Variants in NID2 observed in about 807,000 individuals in gnomAD.
NID2 encodes the protein nidogen 2.
Under a neutral mutation model 145.4 loss-of-function variants are expected in NID2, and 83 were observed. The ratio of observed to expected loss-of-function variants is 0.57; its 90% CI spans 0.48 to 0.69. NID2 has a LOEUF of 0.69. Ranked by LOEUF, NID2 falls within the 30% of genes least tolerant of loss-of-function variation. NID2 has a pLI of 0.00. For synonymous variants in NID2, 739 were observed against 701.3 expected (o/e 1.05, Z -0.85); for missense variants, 1,807 against 1,765.7 (o/e 1.02, Z -0.42).
chr14:52,060,405 T>C, intron 2 of NID2, 49 bp from the exon 3 acceptor site: 2 of 1,009,182 alleles, frequency 2.0e-6, no homozygotes, highest in African/African-American at 1.7e-5. Flanking sequence ...AGAAACATCC[T>C]GTAAAAAACA....
At chr14:52,043,948 T>C (rs990440233) in intron 5 of NID2, among the ~76,000 whole-genome samples, 1 of 152,084 alleles carries the variant, frequency 6.6e-6, no homozygotes, top group Non-Finnish European at 1.5e-5. Context: ...AGCATGCTGT[T>C]GAGCAGGGAT....
At chr14:52,058,972 G>A (rs1892941126) in intron 3 of NID2, among the ~76,000 whole-genome samples, 2 of 151,876 alleles carry the variant, frequency 1.3e-5, no homozygotes, top group Non-Finnish European at 2.9e-5. Flanking sequence ...TGCCCAATGT[G>A]GATCATAAGG....
chr14:52,007,993 A>G lies in NID2; in HGVS notation c.3723-26T>C, dbSNP rs767956582. ...CTGTAAGTTAAAAATCAAGATTGTA[A>G]AAGAATAGCCATGTAGCCTGTGGTA... On this transcript the variant is annotated intron_variant, in intron 18 of 21. Transcript: ENST00000216286. The G allele has an allele frequency of 2.5e-6, 4 of 1,586,160 alleles. No homozygotes were observed. The South Asian group carries it at 3.5e-5, about 14-fold the overall frequency.
intron 12 of NID2, among the ~76,000 whole-genome samples, chr14:52,026,029 G>A (rs1355419070): frequency 1.3e-5 from 2 of 152,240 alleles, no homozygotes; most frequent in Admixed American, 6.5e-5. Context: ...AGTGGAAAGA[G>A]TAAGAATGAG....
In NID2 at chr14:52,036,110, A is replaced by AT. The variant is rs2140391888; in HGVS notation, c.2257+2636dup. 2.6e-5 allele frequency among the ~76,000 whole-genome samples: 4 copies of AT among 152,196 alleles called. No individual in the cohort carries two copies. In the South Asian group the frequency reaches 8.3e-4, roughly 32 times the overall value. The stretch of plus-strand genomic sequence containing the variant: ...TGTTATCCAACCGTCACCACAATCA[A>AT]TTTCAGAACATTTTCATCACCCCCA... On this transcript the variant is annotated intron_variant, in intron 9 of 21. Coordinates refer to ENST00000216286, the MANE Select transcript of NID2 (RefSeq NM_007361.4).
In NID2 at chr14:52,042,925, G is replaced by A. The variant is rs765394257; in HGVS notation, c.1436C>T (p.Thr479Met). The change falls in exon 6 of 22, where the codon ACG (threonine) becomes ATG (methionine). Residue 479 changes from threonine to methionine, a missense_variant. Physicochemically the swap from Thr to Met is moderately conservative, Grantham distance 81. Coordinates refer to ENST00000216286, the MANE Select transcript of NID2 (RefSeq NM_007361.4). ...DNIGSNTEVF[T>M]YNAANKETCE... ...GGTTTCCTTGTTGGCAGCATTATAC[G>A]TGAAGACTGAAAAATAAAACAAACT... 32 of 1,613,878 alleles carry A rather than the reference G, an allele frequency of 2.0e-5. No homozygotes were observed. The Admixed American group carries it at 2.3e-4, about 12-fold the overall frequency.
intron 2 of NID2, among the ~76,000 whole-genome samples, chr14:52,067,170 C>A (rs1035009625): frequency 6.6e-6 from 1 of 152,116 alleles, no homozygotes; most frequent in Non-Finnish European, 1.5e-5. Context: ...TAATGAAAAA[C>A]CAGAAAAAGC....
At chr14:52,030,145 G>T (rs1052284972) in intron 9 of NID2, among the ~76,000 whole-genome samples, 3 of 152,096 alleles carry the variant, frequency 2.0e-5, no homozygotes, top group Admixed American at 1.3e-4. Context: ...CAACTTCCTG[G>T]TTCTAAATCT....
chr14:52,049,811 C>T lies in NID2; in HGVS notation c.1429+3768G>A, dbSNP rs1302457727. Among the ~76,000 whole-genome samples, 12 of 152,302 alleles carry T rather than the reference C, an allele frequency of 7.9e-5. No homozygotes were observed. In the East Asian group the frequency reaches 2.3e-3, roughly 29 times the overall value. On this transcript the variant is annotated intron_variant, in intron 5 of 21. Transcript: ENST00000216286. ...CAACTGCTGGCATGACACTAACAGG[C>T]TCTCTCCACTTCTGGTGAAGGGAGA... is the stretch of plus-strand genomic sequence containing the variant.
chr14:52,055,090 G>A (rs529605922), intron 3 of NID2, among the ~76,000 whole-genome samples: 1 of 152,282 alleles, frequency 6.6e-6, no homozygotes, highest in African/African-American at 2.4e-5. Context: ...CCCCTTCCCT[G>A]TGCCAAGTGT....
At position 52,005,512 on chromosome 14, in the gene NID2, A is replaced by C. The variant is rs1293983273; in HGVS notation, c.4118-16T>G. Reference sequence around the variant, plus strand: ...TACTTTCTTCCTGTGAGAGAAGAGCAGGGGTGGGACAGGGTGGTGGGTGAG... The same window carrying C: ...TACTTTCTTCCTGTGAGAGAAGAGCCGGGGTGGGACAGGGTGGTGGGTGAG... On this transcript the variant is annotated splice_polypyrimidine_tract_variant and intron_variant, in intron 21 of 21. Coordinates refer to ENST00000216286, the MANE Select transcript of NID2 (RefSeq NM_007361.4). 2 of 1,596,884 alleles carry C rather than the reference A, an allele frequency of 1.3e-6. No homozygotes were observed. The highest frequency in any genetic ancestry group is 2.3e-5 in the South Asian group (2 of 87,788).
intron 9 of NID2, among the ~76,000 whole-genome samples, chr14:52,038,385 C>T (rs1892149673): frequency 6.6e-6 from 1 of 152,200 alleles, no homozygotes; most frequent in African/African-American, 2.4e-5. Context: ...TCAAACTAGA[C>T]TCACAGTGCC....
chr14:52,060,355 A>C lies in NID2; in HGVS notation c.536T>G (p.Leu179Arg). 7.5e-7 allele frequency: 1 copy of C among 1,332,074 alleles called. No individual in the cohort carries two copies. The highest frequency in any genetic ancestry group is 1.0e-6 in the Non-Finnish European group (1 of 1,002,740). The allele number at this position is 1,332,074 out of a possible 1,614,324, so 82.5% of individuals were successfully genotyped here. ...VKRGALPSGE[L>R]NTFQAVLASD... ...TGCCAAAACTGCCTGGAAAGTGTTCAGCTGTGAGGAAAAAAAAAAAAAAAG... is the reference window on the plus strand; with the variant it reads ...TGCCAAAACTGCCTGGAAAGTGTTCCGCTGTGAGGAAAAAAAAAAAAAAAG... Residue 179 changes from leucine (L) to arginine (R), a missense_variant and splice_region_variant, in exon 3 of 22, where the codon CTG becomes CGG. Physicochemically the swap from Leu to Arg is moderately radical, Grantham distance 102. Transcript: ENST00000216286.
intron 3 of NID2, 82 bp downstream of exon 3, chr14:52,060,042 G>T: frequency 3.1e-6 from 3 of 967,006 alleles, no homozygotes; most frequent in Non-Finnish European, 4.7e-6. Flanking sequence ...TTATGTAATG[G>T]TCTTATGGTC....
chr14:52,066,199 T>A (rs930124445), intron 2 of NID2, among the ~76,000 whole-genome samples: 9 of 151,982 alleles, frequency 5.9e-5, no homozygotes, highest in African/African-American at 2.2e-4. Context: ...CAGACAAAAG[T>A]TTTAATTCCA....
At chr14:52,054,407 A>G in intron 3 of NID2, 86 bp from the exon 4 acceptor site, 1 of 1,362,866 alleles carries the variant, frequency 7.3e-7, no homozygotes, top group South Asian at 1.4e-5. Context: ...AACTTATTTT[A>G]AAACGGAAAG....
intron 20 of NID2, chr14:52,006,058 T>A: frequency 1.8e-6 from 1 of 553,100 alleles, no homozygotes; most frequent in East Asian, 3.1e-5. Context: ...CATGATGAGC[T>A]ATCAAATCAG....
intron 13 of NID2, 116 bp downstream of exon 13, chr14:52,019,943 C>G (rs1891341423): frequency 7.1e-7 from 1 of 1,409,166 alleles, no homozygotes; most frequent in Non-Finnish European, 9.6e-7. Context: ...AAATCCACAG[C>G]TTGGAAAATC....
At chr14:52,028,989 A>G (rs2140375995) in intron 10 of NID2, 139 bp from the exon 11 acceptor site, 9 of 741,498 alleles carry the variant, frequency 1.2e-5, no homozygotes, top group Non-Finnish European at 1.9e-5. Flanking sequence ...TTTAAAAATC[A>G]GATATGAATG....
Sources: gnomAD v4.1 joint callset for allele counts (sites outside exome capture counted in the v4.1 genomes callset) on GRCh38, gnomAD v4.1.1 for gene constraint, MANE v1.5 for transcripts, NCBI Gene and HGNC (gene_info 2026-07-23, HGNC 2026-07-21) for gene names.